CAMKK2: variants seen among roughly 807,000 people sequenced by gnomAD.
CAMKK2 encodes the protein calcium/calmodulin-dependent protein kinase kinase 2.
A neutral mutation model predicts 67.2 loss-of-function variants in CAMKK2; 30 were observed. That is an observed-to-expected ratio of 0.45 (90% CI 0.33 to 0.61). CAMKK2 has a LOEUF of 0.61. Among genes scored for constraint, CAMKK2 ranks in the 20% least tolerant of loss-of-function variants. The pLI is 0.02. For synonymous variants in CAMKK2, 322 were observed against 326.2 expected (o/e 0.99, Z 0.14); for missense variants, 643 against 802.0 (o/e 0.80, Z 2.39).
At chr12:121,244,523 G>GC in intron 16 of CAMKK2, 50 bp downstream of exon 16, 2 of 1,528,476 alleles carry the variant, frequency 1.3e-6, no homozygotes, top group Non-Finnish European at 1.8e-6. Context: ...CTGCCCACCC[G>GC]CCCCCCTCAG....
chr12:121,284,623 C>T (rs2136565258), intron 1 of CAMKK2, among the ~76,000 whole-genome samples: 2 of 152,266 alleles, frequency 1.3e-5, no homozygotes, highest in Middle Eastern at 6.8e-3. Flanking sequence ...CCGCACCCGG[C>T]CGGGCTGAGT....
At chr12:121,281,063 C>T (rs1047487952) in intron 1 of CAMKK2, among the ~76,000 whole-genome samples, 1 of 152,202 alleles carries the variant, frequency 6.6e-6, no homozygotes, top group Admixed American at 6.5e-5. Context: ...CATCACGGAA[C>T]CTACCGACAT....
At chr12:121,278,810 C>G (rs1472002415) in intron 1 of CAMKK2, among the ~76,000 whole-genome samples, 1 of 152,236 alleles carries the variant, frequency 6.6e-6, no homozygotes, top group Non-Finnish European at 1.5e-5. Context: ...CGGACTAATA[C>G]AGATGCCCAT....
chr12:121,275,030 T>A (rs1192344519), intron 1 of CAMKK2, among the ~76,000 whole-genome samples: 6 of 152,086 alleles, frequency 3.9e-5, no homozygotes, highest in African/African-American at 1.4e-4. Flanking sequence ...AGCACACATA[T>A]CCCCTACAGA....
At chr12:121,274,805 C>CTTTTTTTTTTTTTTTTTTTTTTTTTT (rs140150523) in intron 1 of CAMKK2, among the ~76,000 whole-genome samples, 2 of 132,914 alleles carry the variant, frequency 1.5e-5, no homozygotes, top group African/African-American at 2.8e-5. Flanking sequence ...CTTTTTTTTT[C>CTTTTTTTTTTTTTTTTTTTTTTTTTT]TTTTTTTTTT....
In CAMKK2 at chr12:121,238,484, T is replaced by C. The variant is rs768833829; in HGVS notation, c.*2215A>G. 1.3e-5 allele frequency: 2 copies of C among 152,566 alleles called. No homozygotes were observed. Among genetic ancestry groups the C allele is most frequent in the Non-Finnish European group, 2.9e-5 (2 of 68,012 alleles). The allele number at this position is 152,566 out of a possible 1,614,324, so 9.5% of individuals were successfully genotyped here. On this transcript the variant is annotated 3_prime_UTR_variant, in exon 17 of 17. Transcript: ENST00000404169. ...AGAGTGGCAGCTCAAATGCTCTGTG[T>C]TTACAGCCATCTTGGCTTATCCTTT...
chr12:121,280,591 G>A (rs1263339545), intron 1 of CAMKK2, among the ~76,000 whole-genome samples: 9 of 152,304 alleles, frequency 5.9e-5, no homozygotes, highest in East Asian at 1.9e-4. Flanking sequence ...GAGAAATATC[G>A]CTGAATTCTT....
chr12:121,277,316 C>T (rs554207757), intron 1 of CAMKK2, among the ~76,000 whole-genome samples: 18 of 152,340 alleles, frequency 1.2e-4, no homozygotes, highest in Non-Finnish European at 2.1e-4. Context: ...TACAATCAGG[C>T]AGCCTGGTGG....
At chr12:121,286,950 G>C (rs1898867920) in intron 1 of CAMKK2, among the ~76,000 whole-genome samples, 1 of 152,176 alleles carries the variant, frequency 6.6e-6, no homozygotes, top group African/African-American at 2.4e-5. Flanking sequence ...CTATTGCCCA[G>C]GCTGGAATGC....
intron 1 of CAMKK2, among the ~76,000 whole-genome samples, chr12:121,291,618 G>A (rs1353155675): frequency 1.3e-5 from 2 of 152,208 alleles, no homozygotes; most frequent in Admixed American, 6.5e-5. Flanking sequence ...AGGGGCTGCA[G>A]GGAGGGGCAC....
In CAMKK2 at chr12:121,265,271, G is replaced by T. The variant is rs183400565; in HGVS notation, c.626-1332C>A. Among the ~76,000 whole-genome samples the T allele has an allele frequency of 2.0e-5, 3 of 152,256 alleles. No homozygotes were observed. The East Asian group carries it at 5.8e-4, about 29-fold the overall frequency. On this transcript the variant is annotated intron_variant, in intron 5 of 16. Coordinates refer to ENST00000404169, the MANE Select transcript of CAMKK2 (RefSeq NM_001270485.2). ...GGCAGAAGTACAGGTGTCAGAGGGA[G>T]GATGTGAAAGGAGGAAAGCTGAGTC...
chr12:121,276,557 C>A (rs1050839857), intron 1 of CAMKK2, among the ~76,000 whole-genome samples: 1 of 152,164 alleles, frequency 6.6e-6, no homozygotes, highest in African/African-American at 2.4e-5. Flanking sequence ...CTTTGCTTAA[C>A]GTGTTTGACA....
intron 3 of CAMKK2, among the ~76,000 whole-genome samples, chr12:121,270,137 C>T (rs1054360021): frequency 6.6e-6 from 1 of 151,882 alleles, no homozygotes; most frequent in African/African-American, 2.4e-5. Flanking sequence ...TTTGGGAGGC[C>T]GAGGCGGGCA....
In CAMKK2 at chr12:121,252,643, G is replaced by C. The variant is rs372931313; in HGVS notation, c.1161+18C>G. The C allele has an allele frequency of 2.5e-6, 4 of 1,613,424 alleles. No homozygotes were observed. Among genetic ancestry groups the C allele is most frequent in the Non-Finnish European group, 2.5e-6 (3 of 1,179,356 alleles). ...GCCACCCAGCAGTACTGAGGGGACA[G>C]ACACCCCGCCCTCTTACCTGGCCAA... On this transcript the variant is annotated intron_variant, in intron 11 of 16. Coordinates refer to ENST00000404169, the MANE Select transcript of CAMKK2 (RefSeq NM_001270485.2).
intron 9 of CAMKK2, among the ~76,000 whole-genome samples, chr12:121,255,331 TATATATAA>T (rs1891945053): frequency 7.3e-4 from 4 of 5,466 alleles, no homozygotes; most frequent in East Asian, 6.8e-3. Context: ...TATATATAAT[TATATATAA>T]TTTTATATAT....
chr12:121,256,230 T>C (rs897905977), intron 7 of CAMKK2, among the ~76,000 whole-genome samples: 3 of 152,100 alleles, frequency 2.0e-5, no homozygotes, highest in African/African-American at 7.2e-5. Flanking sequence ...AATACAAAAA[T>C]CAGCCGGGCG....
intron 1 of CAMKK2, among the ~76,000 whole-genome samples, chr12:121,286,709 A>G (rs1898815449): frequency 6.6e-6 from 1 of 152,084 alleles, no homozygotes; most frequent in Admixed American, 6.6e-5. Context: ...ACGCCTGGCT[A>G]AATAGGTCCT....
At position 121,285,039 on chromosome 12, in the gene CAMKK2, T is replaced by C. The variant is rs1442131332; in HGVS notation, c.-59-10454A>G. 6.6e-6 allele frequency among the ~76,000 whole-genome samples: 1 copy of C among 152,104 alleles called. No individual in the cohort carries two copies. The highest frequency in any genetic ancestry group is 1.5e-5 in the Non-Finnish European group (1 of 68,012). ...GAAGCTTTCTTTAGCTGGCCTAGAG[T>C]TGAAGTTTCTTTAGTCTGATAACAG... On this transcript the variant is annotated intron_variant, in intron 1 of 16. Transcript: ENST00000404169. This position sits in a 1 kb window ranked among gnomAD's most constrained non-coding sequence, Gnocchi z 4.1.
intron 1 of CAMKK2, among the ~76,000 whole-genome samples, chr12:121,292,553 G>C (rs1156758596): frequency 6.6e-6 from 1 of 152,230 alleles, no homozygotes; most frequent in African/African-American, 2.4e-5. Context: ...TGTTAGGAAA[G>C]AGACACAGAC....
Sources: allele counts gnomAD v4.1 joint callset (sites outside exome capture counted in the v4.1 genomes callset), GRCh38; gene constraint gnomAD v4.1.1; non-coding constraint Gnocchi (gnomAD v3.1); transcripts MANE v1.5; gene names NCBI Gene and HGNC (gene_info 2026-07-23, HGNC 2026-07-21).